The following TSPAN5 variants were observed in gnomAD, a reference collection of about 807,000 sequenced individuals.
TSPAN5 encodes tetraspanin-5.
Under a neutral mutation model 37.1 loss-of-function variants are expected in TSPAN5, and 10 were observed. The ratio of observed to expected loss-of-function variants is 0.27; its 90% confidence interval spans 0.17 to 0.46. The LOEUF (loss-of-function observed/expected upper bound fraction) is 0.46. Ranked by LOEUF, TSPAN5 falls within the 20% of genes least tolerant of loss-of-function variation. The pLI is 1.00. For synonymous variants in TSPAN5, 110 were observed against 118.9 expected, an observed-to-expected ratio of 0.93 and a Z score of 0.48; for missense variants, 195 against 326.6, an observed-to-expected ratio of 0.60 and a Z score of 3.11.
intron 1 of TSPAN5, among the ~76,000 whole-genome samples, chr4:98,650,236 T>A: frequency 6.6e-6 from 1 of 152,188 alleles, no homozygotes; most frequent in East Asian, 1.9e-4. Flanking sequence ...CGCCTTCTCC[T>A]TCCTGAAAAT....
intron 1 of TSPAN5, among the ~76,000 whole-genome samples, chr4:98,605,489 C>A (rs894430043): frequency 6.6e-6 from 1 of 152,178 alleles, no homozygotes; most frequent in Admixed American, 6.5e-5. Flanking sequence ...AGTCACTACT[C>A]ACTGTGACCT....
intron 1 of TSPAN5, among the ~76,000 whole-genome samples, chr4:98,554,594 T>G (rs1298397914): frequency 6.6e-6 from 1 of 152,244 alleles, no homozygotes; most frequent in Non-Finnish European, 1.5e-5. Flanking sequence ...CTATTTGAAA[T>G]TACCATATTA....
intron 1 of TSPAN5, among the ~76,000 whole-genome samples, chr4:98,629,262 T>C (rs943741628): frequency 3.3e-5 from 5 of 152,210 alleles, no homozygotes; most frequent in African/African-American, 9.7e-5. Flanking sequence ...AAAAAGACTA[T>C]TTCTGAGCAC....
chr4:98,518,473 T>C (rs1443475917), intron 1 of TSPAN5, among the ~76,000 whole-genome samples: 1 of 152,192 alleles, frequency 6.6e-6, no homozygotes. Flanking sequence ...TTCCCAGAGA[T>C]GCACATGGGT....
chr4:98,535,176 T>C (rs1754203545), intron 1 of TSPAN5, among the ~76,000 whole-genome samples: 1 of 152,218 alleles, frequency 6.6e-6, no homozygotes, highest in Non-Finnish European at 1.5e-5. Context: ...GTACCGGCTG[T>C]TCCTGTCCAT....
intron 1 of TSPAN5, among the ~76,000 whole-genome samples, chr4:98,563,436 T>C (rs990020754): frequency 6.6e-6 from 1 of 152,182 alleles, no homozygotes; most frequent in Non-Finnish European, 1.5e-5. Flanking sequence ...ATCAGGAACT[T>C]CCTGAAAGCA....
In TSPAN5 at chr4:98,575,322, G is replaced by C. The variant is rs900876443; in HGVS notation, c.82-67594C>G. Among the ~76,000 whole-genome samples, 8 of 150,278 alleles carry C rather than the reference G, an allele frequency of 5.3e-5. 1 individual carries two copies. The South Asian group carries it at 1.7e-3, about 32-fold the overall frequency. On this transcript the variant is annotated intron_variant, in intron 1 of 7. Coordinates refer to ENST00000305798, the MANE Select transcript of TSPAN5 (RefSeq NM_005723.4). ...TAGGCTTTCTGAATTTTTCACAAAA[G>C]TATTTGAGCACATAGTATATCTCTA...
intron 1 of TSPAN5, among the ~76,000 whole-genome samples, chr4:98,540,478 C>T (rs1294044641): frequency 6.6e-6 from 1 of 152,150 alleles, no homozygotes; most frequent in African/African-American, 2.4e-5. Context: ...GCTGGGATTA[C>T]AGGCACGTGC....
chr4:98,630,095 G>A (rs534953236), intron 1 of TSPAN5, among the ~76,000 whole-genome samples: 1 of 152,234 alleles, frequency 6.6e-6, no homozygotes, highest in South Asian at 2.1e-4. Flanking sequence ...ATTCACGCTC[G>A]AGTTGGGGAA....
At chr4:98,520,313 CAT>C (rs1241921396) in intron 1 of TSPAN5, among the ~76,000 whole-genome samples, 2 of 152,164 alleles carry the variant, frequency 1.3e-5, no homozygotes, top group Non-Finnish European at 2.9e-5. Context: ...AAAATTAAAA[CAT>C]AGAGCAACAA....
At chr4:98,551,250 C>A (rs1022330281) in intron 1 of TSPAN5, among the ~76,000 whole-genome samples, 9 of 152,158 alleles carry the variant, frequency 5.9e-5, no homozygotes, top group African/African-American at 2.2e-4. Context: ...GGTATAGTAT[C>A]TTTTTGATGA....
chr4:98,529,261 G>C (rs894572194), intron 1 of TSPAN5, among the ~76,000 whole-genome samples: 1 of 152,136 alleles, frequency 6.6e-6, no homozygotes, highest in East Asian at 1.9e-4. Flanking sequence ...ATCTCCATTT[G>C]GTTACTACTC....
At position 98,481,613 on chromosome 4, in the gene TSPAN5, G is replaced by A. The variant is rs944460325; in HGVS notation, c.450+392C>T. Among the ~76,000 whole-genome samples the A allele has an allele frequency of 2.6e-5, 4 of 152,246 alleles. No individual in the cohort carries two copies. In the South Asian group the frequency reaches 6.2e-4, roughly 24 times the overall value. On this transcript the variant is annotated intron_variant, in intron 4 of 7. Transcript: ENST00000305798. Reference sequence around the variant, plus strand: ...TGATAAGTAGATTATTATGAGCTGTGAAATATCAAGGATTACCAAAAAAGG... The same window carrying A: ...TGATAAGTAGATTATTATGAGCTGTAAAATATCAAGGATTACCAAAAAAGG...
intron 1 of TSPAN5, among the ~76,000 whole-genome samples, chr4:98,642,817 T>TA (rs928623318): frequency 2.6e-5 from 4 of 151,948 alleles, no homozygotes; most frequent in African/African-American, 9.7e-5. Context: ...AAATAATTTT[T>TA]AAAAAAAGGC....
intron 1 of TSPAN5, among the ~76,000 whole-genome samples, chr4:98,535,889 T>C (rs1754220804): frequency 6.6e-6 from 1 of 152,220 alleles, no homozygotes; most frequent in Admixed American, 6.5e-5. Context: ...CATCAGGTCA[T>C]GTATGTTCTT....
chr4:98,487,033 GGAAA>G, intron 2 of TSPAN5, 149 bp from the exon 3 acceptor site: 2 of 551,156 alleles, frequency 3.6e-6, no homozygotes, highest in African/African-American at 2.0e-5. Flanking sequence ...ACTTAAGAGA[GGAAA>G]GAAAGAGAGA....
intron 1 of TSPAN5, among the ~76,000 whole-genome samples, chr4:98,637,279 A>G (rs2110272184): frequency 6.6e-6 from 1 of 152,298 alleles, no homozygotes; most frequent in African/African-American, 2.4e-5. Flanking sequence ...GGAATTGTGC[A>G]GTTCGCCTCC....
At chr4:98,497,357 C>T (rs1578947328) in intron 2 of TSPAN5, among the ~76,000 whole-genome samples, 1 of 151,872 alleles carries the variant, frequency 6.6e-6, no homozygotes, top group African/African-American at 2.4e-5. Flanking sequence ...GACCAGGGCC[C>T]TCCCTCTCTC....
intron 2 of TSPAN5, among the ~76,000 whole-genome samples, chr4:98,506,541 T>TCTGAACATTGTTTTAGTTGTGGAAATGC (rs1753481640): frequency 6.6e-6 from 1 of 152,224 alleles, no homozygotes; most frequent in African/African-American, 2.4e-5. Flanking sequence ...ATATGGTCTG[T>TCTGAACATTGTTTTAGTTGTGGAAATGC]CTGAACATTG....
Sources: gnomAD v4.1 joint callset for allele counts (sites outside exome capture counted in the v4.1 genomes callset) on GRCh38, gnomAD v4.1.1 for gene constraint, MANE v1.5 for transcripts, NCBI Gene and HGNC (gene_info 2026-07-23, HGNC 2026-07-21) for gene names.